IK: variants seen among roughly 807,000 people sequenced by gnomAD.
IK encodes the protein protein Red.
Under a neutral mutation model 90.9 loss-of-function variants are expected in IK, and 47 were observed. That is an observed-to-expected ratio of 0.52 (90% CI 0.41 to 0.66). IK has a LOEUF of 0.66. Among genes scored for constraint, IK ranks in the 30% least tolerant of loss-of-function variants. The pLI is 0.00. For missense variants in IK, 385 were observed against 709.3 expected, an observed-to-expected ratio of 0.54 and a Z score of 5.19; for synonymous variants, 201 against 227.5, an observed-to-expected ratio of 0.88 and a Z score of 1.05.
chr5:140,660,673 C>T, intron 15 of IK, 85 bp from the exon 16 acceptor site: 1 of 1,034,392 alleles, frequency 9.7e-7, no homozygotes, highest in South Asian at 1.3e-5. Flanking sequence ...CATTCCTATG[C>T]AGATAACCTC....
chr5:140,653,887 T>G (rs1757660618), intron 5 of IK, 51 bp from the exon 6 acceptor site: 2 of 1,167,004 alleles, frequency 1.7e-6, no homozygotes, highest in South Asian at 1.3e-5. Context: ...ACAGGCGTGA[T>G]CCACCACGCC....
At chr5:140,651,591 G>T (rs1255886647) in intron 2 of IK, 123 bp from the exon 3 acceptor site, 3 of 588,998 alleles carry the variant, frequency 5.1e-6, no homozygotes, top group Non-Finnish European at 9.1e-6. Flanking sequence ...AAAAAAAACA[G>T]TGTCATATCT....
intron 5 of IK, 72 bp from the exon 6 acceptor site, chr5:140,653,866 G>T: frequency 2.2e-6 from 2 of 897,264 alleles, no homozygotes; most frequent in East Asian, 2.6e-5. Context: ...ACCTCCCAGA[G>T]TACTGGGATT....
chr5:140,648,570 G>A, intron 2 of IK, 33 bp downstream of exon 2: 1 of 1,584,228 alleles, frequency 6.3e-7, no homozygotes, highest in Non-Finnish European at 8.7e-7. Context: ...ATGGAAATGA[G>A]TTGGGCAATG....
At chr5:140,654,826 TTTC>T (rs1266165641) in intron 8 of IK, 99 bp downstream of exon 8, 3 of 794,410 alleles carry the variant, frequency 3.8e-6, no homozygotes, top group Non-Finnish European at 6.1e-6. Flanking sequence ...CCCAACCTCC[TTTC>T]TTCTTTCTTT....
In IK at chr5:140,660,292, C is replaced by CTT. The variant is rs200714869; in HGVS notation, c.1355+118_1355+119dup. 4.0e-3 allele frequency: 1,129 copies of CTT among 281,986 alleles called. 1 individual carries two copies. The highest frequency in any genetic ancestry group is 6.4e-3 in the South Asian group (228 of 35,880). The allele number at this position is 281,986 out of a possible 1,614,324, so 17.5% of individuals were successfully genotyped here. A position where few individuals can be genotyped will look rare whatever the true frequency, so the allele number is the denominator to read the frequency against. ...GATTCGCTAAGTCCCAGGGCTACTT[C>CTT]TTTTTTTTTTTTTTTTTTTTTTGGA... On this transcript the variant is annotated intron_variant, in intron 15 of 19. Coordinates refer to ENST00000417647, the MANE Select transcript of IK (RefSeq NM_006083.4).
intron 3 of IK, 29 bp downstream of exon 3, chr5:140,651,835 C>T (rs749328741): frequency 1.2e-5 from 16 of 1,383,736 alleles, no homozygotes; most frequent in Non-Finnish European, 1.4e-5. Flanking sequence ...CAACCTGTCT[C>T]CCAACTTGTT....
intron 12 of IK, 44 bp from the exon 13 acceptor site, chr5:140,659,271 A>C (rs569428347): frequency 6.2e-7 from 1 of 1,613,482 alleles, no homozygotes; most frequent in Non-Finnish European, 8.5e-7. Flanking sequence ...ATGAGTAGGA[A>C]TCTCTCATGG....
chr5:140,647,836 G>T lies in IK; in HGVS notation c.-73G>T, dbSNP rs746448356. The T allele has an allele frequency of 6.3e-7, 1 of 1,583,980 alleles. No homozygotes were observed. Among genetic ancestry groups the T allele is most frequent in the South Asian group, 1.1e-5 (1 of 90,498 alleles). On this transcript the variant is annotated 5_prime_UTR_variant, in exon 1 of 20. Coordinates refer to ENST00000417647, the MANE Select transcript of IK (RefSeq NM_006083.4). ...GTGGGTTGATTCTGAGGTGCACTGT[G>T]GGAAAGAGCTTGTCGCTGCGGTGTT...
chr5:140,651,865 T>A, intron 3 of IK, 59 bp downstream of exon 3: 12 of 1,115,306 alleles, frequency 1.1e-5, no homozygotes, highest in Non-Finnish European at 1.5e-5. Context: ...TTCCTATTTC[T>A]TTCTACTAAG....
At position 140,662,375 on chromosome 5, in the gene IK, T is replaced by G. The variant is rs4801; in HGVS notation, c.*46T>G. On this transcript the variant is annotated 3_prime_UTR_variant, in exon 20 of 20. Transcript: ENST00000417647. Reference sequence around the variant, plus strand: ...TGCTCCACAAGGATATGCTCCCCACTGTTTTCTTTCTACAATTTCCAAAGG... The same window carrying G: ...TGCTCCACAAGGATATGCTCCCCACGGTTTTCTTTCTACAATTTCCAAAGG... 0.21 allele frequency: 330,315 copies of G among 1,596,550 alleles called. 34,958 individuals are homozygous for G. Among genetic ancestry groups the G allele is most frequent in the African/African-American group, 0.22 (16,446 of 74,634 alleles).
chr5:140,654,584 C>A lies in IK; in HGVS notation c.588C>A (p.Thr196=), dbSNP rs767703715. ...EELMEKPQKE[T]KKDEDPENKI... ...TGATGGAAAAGCCCCAGAAAGAAACCAAGTAAGTAAATATTATGGAAAGGT... is the reference window on the plus strand; with the variant it reads ...TGATGGAAAAGCCCCAGAAAGAAACAAAGTAAGTAAATATTATGGAAAGGT... Residue 196 remains threonine (T), a splice_region_variant and synonymous_variant, in exon 7 of 20, where the codon ACC becomes ACA. Coordinates refer to ENST00000417647, the MANE Select transcript of IK (RefSeq NM_006083.4). The A allele has an allele frequency of 6.3e-7, 1 of 1,587,864 alleles. No individual in the cohort carries two copies. Among genetic ancestry groups the A allele is most frequent in the East Asian group, 2.3e-5 (1 of 43,988 alleles).
At chr5:140,658,655 G>T in intron 10 of IK, 82 bp from the exon 11 acceptor site, 2 of 1,123,492 alleles carry the variant, frequency 1.8e-6, no homozygotes, top group South Asian at 1.3e-5. Flanking sequence ...GTTTAAAAGG[G>T]CATTAAGAGC....
chr5:140,660,289 C>CTTT, intron 15 of IK, 94 bp downstream of exon 15: 1 of 282,610 alleles, frequency 3.5e-6, no homozygotes, highest in Non-Finnish European at 6.2e-6. Context: ...CCCAGGGCTA[C>CTTT]TTCTTTTTTT....
chr5:140,651,812 T>C lies in IK; in HGVS notation c.176+6T>C. The C allele has an allele frequency of 6.4e-6, 10 of 1,566,188 alleles. No individual in the cohort carries two copies. Among genetic ancestry groups the C allele is most frequent in the Non-Finnish European group, 8.8e-6 (10 of 1,137,054 alleles). ...TCTAAGTCACGTCACCATGAGTAAG[T>C]CTTTGGGTGATCCAACCTGTCTCCC... is the stretch of plus-strand genomic sequence containing the variant. On this transcript the variant is annotated splice_donor_region_variant and intron_variant, in intron 3 of 19. Coordinates refer to ENST00000417647, the MANE Select transcript of IK (RefSeq NM_006083.4).
intron 11 of IK, 56 bp from the exon 12 acceptor site, chr5:140,658,883 G>C: frequency 7.5e-6 from 12 of 1,605,646 alleles, no homozygotes; most frequent in Non-Finnish European, 9.4e-6. Flanking sequence ...GAAATGGTCA[G>C]GGGGAGTGAA....
intron 4 of IK, 51 bp from the exon 5 acceptor site, chr5:140,652,926 C>T: frequency 6.4e-7 from 1 of 1,573,142 alleles, no homozygotes; most frequent in Non-Finnish European, 8.7e-7. Flanking sequence ...TTCTGTTGAC[C>T]TTGAGGTAGC....
chr5:140,655,982 C>A lies in IK; in HGVS notation c.791C>A (p.Pro264His). The change falls in exon 9 of 20, where the codon CCC (proline) becomes CAC (histidine). Residue 264 changes from proline (P) to histidine (H), a missense_variant. By Grantham distance (77) the Pro-to-His change is moderately conservative (BLOSUM62 -2). Transcript: ENST00000417647. Reference sequence around the variant, plus strand: ...CTTATCCGCAGCAAGGCTGATTGCCCCACCATGGAGGTGAGTGAATGGAAT... The same window carrying A: ...CTTATCCGCAGCAAGGCTGATTGCCACACCATGGAGGTGAGTGAATGGAAT... ...TTLIRSKADC[P>H]TMEAQTTLTT... The A allele has an allele frequency of 6.4e-7, 1 of 1,552,342 alleles. No homozygotes were observed. The highest frequency in any genetic ancestry group is 8.7e-7 in the Non-Finnish European group (1 of 1,147,254).
rs58170152 is a variant in IK, at chr5:140,649,827, C to G, written c.83+1290C>G. On this transcript the variant is annotated intron_variant, in intron 2 of 19. Coordinates refer to ENST00000417647, the MANE Select transcript of IK (RefSeq NM_006083.4). ...GGATTACAGGCGTGAGCCACTGCGCCTGGCCCTCCTACTCTTTTTTAAATG... is the reference window on the plus strand; with the variant it reads ...GGATTACAGGCGTGAGCCACTGCGCGTGGCCCTCCTACTCTTTTTTAAATG... Among the ~76,000 whole-genome samples, 606 of 152,380 alleles carry G rather than the reference C, an allele frequency of 4.0e-3. 1 individual carries two copies. The highest frequency in any genetic ancestry group is 0.014 in the African/African-American group (585 of 41,584).
Sources: gnomAD v4.1 joint callset for allele counts (sites outside exome capture counted in the v4.1 genomes callset) on GRCh38, gnomAD v4.1.1 for gene constraint, MANE v1.5 for transcripts, NCBI Gene and HGNC (gene_info 2026-07-23, HGNC 2026-07-21) for gene names.